The following RAD51B variants were observed in gnomAD, a reference collection of about 807,000 sequenced individuals.
RAD51B encodes DNA repair protein RAD51 homolog 2.
Under a neutral mutation model 42.2 loss-of-function variants are expected in RAD51B, and 38 were observed. The observed-to-expected ratio is 0.90, with a 90% confidence interval of 0.70 to 1.18. RAD51B has a LOEUF of 1.18. RAD51B is among the 50% of genes most tolerant of loss of function. The pLI is 0.00. For synonymous variants in RAD51B, 154 were observed against 145.2 expected (o/e 1.06, Z -0.43); for missense variants, 373 against 400.7 (o/e 0.93, Z 0.59).
intron 5 of RAD51B, among the ~76,000 whole-genome samples, chr14:67,868,596 G>A (rs1284749206): frequency 2.0e-5 from 3 of 152,232 alleles, no homozygotes; most frequent in Admixed American, 6.5e-5. Flanking sequence ...AGCTCAAGGA[G>A]GCCTGCCTGC....
At chr14:67,980,609 A>G (rs2075074416) in intron 7 of RAD51B, among the ~76,000 whole-genome samples, 1 of 152,232 alleles carries the variant, frequency 6.6e-6, no homozygotes, top group Non-Finnish European at 1.5e-5. Flanking sequence ...TGGGCAACTA[A>G]GTTTTCACAA....
At chr14:67,849,842 A>G (rs1363792542) in intron 4 of RAD51B, among the ~76,000 whole-genome samples, 1 of 151,956 alleles carries the variant, frequency 6.6e-6, no homozygotes, top group Non-Finnish European at 1.5e-5. Flanking sequence ...CTTCCAATCC[A>G]TGCTTTGAAT....
chr14:67,883,856 A>G (rs2042988989), intron 5 of RAD51B, among the ~76,000 whole-genome samples: 1 of 152,176 alleles, frequency 6.6e-6, no homozygotes, highest in African/African-American at 2.4e-5. Context: ...GGTCCTCAAT[A>G]AATATTTGTT....
chr14:68,164,957 G>T (rs2078719140), intron 7 of RAD51B, among the ~76,000 whole-genome samples: 1 of 152,140 alleles, frequency 6.6e-6, no homozygotes, highest in Admixed American at 6.5e-5. Context: ...CACTCCTTTA[G>T]TTTTCCTTTC....
rs1048373793 is a variant in RAD51B, at chr14:67,944,987, C to G, written c.756+57783C>G. Among the ~76,000 whole-genome samples, 10 of 152,294 alleles carry G rather than the reference C, an allele frequency of 6.6e-5. No individual in the cohort carries two copies. In the East Asian group the frequency reaches 1.9e-3, roughly 29 times the overall value. ...CTTTCACCAAAAAGAAAGTAAGAAT[C>G]ATACCTACCTTGAATATATTACTGT... On this transcript the variant is annotated intron_variant, in intron 7 of 10. Transcript: ENST00000471583.
intron 7 of RAD51B, among the ~76,000 whole-genome samples, chr14:68,004,524 A>G (rs1482497242): frequency 1.3e-5 from 2 of 152,116 alleles, no homozygotes; most frequent in African/African-American, 2.4e-5. Context: ...TCATGAAGAT[A>G]TGGTAAAACT....
chr14:68,083,985 G>A (rs2140496509), intron 7 of RAD51B, among the ~76,000 whole-genome samples: 1 of 152,280 alleles, frequency 6.6e-6, no homozygotes. Flanking sequence ...GTTTCCCAAA[G>A]CTGTAAGAAG....
At chr14:67,992,182 TG>T (rs1290152167) in intron 7 of RAD51B, among the ~76,000 whole-genome samples, 1 of 152,094 alleles carries the variant, frequency 6.6e-6, no homozygotes, top group Non-Finnish European at 1.5e-5. Flanking sequence ...CAGAAGAAAA[TG>T]GCTAAAGTTT....
chr14:68,389,850 G>T (rs891326943), intron 8 of RAD51B, among the ~76,000 whole-genome samples: 1 of 152,214 alleles, frequency 6.6e-6, no homozygotes, highest in African/African-American at 2.4e-5. Flanking sequence ...CTGATTGCTA[G>T]GGAAATCTGG....
At position 68,468,988 on chromosome 14, in the gene RAD51B, C is replaced by T. The variant is rs1034456466; in HGVS notation, c.1036+738C>T. 8.8e-5 allele frequency: 31 copies of T among 353,796 alleles called. No individual in the cohort carries two copies. In the Middle Eastern group the frequency reaches 1.2e-3, roughly 13 times the overall value. 21.9% of individuals were successfully genotyped at this position (353,796 alleles called of 1,614,324 possible). On this transcript the variant is annotated intron_variant, in intron 10 of 10. Coordinates refer to ENST00000471583, the MANE Select transcript of RAD51B (RefSeq NM_133510.4). Reference sequence around the variant, plus strand: ...TAACATGAAGGGGTAAATTCCAGCACTGTTAGAAGAGTCAGCCCACAATGT... The same window carrying T: ...TAACATGAAGGGGTAAATTCCAGCATTGTTAGAAGAGTCAGCCCACAATGT...
intron 10 of RAD51B, among the ~76,000 whole-genome samples, chr14:68,535,482 T>C (rs1887562502): frequency 6.7e-6 from 1 of 149,930 alleles, no homozygotes; most frequent in African/African-American, 2.4e-5. Flanking sequence ...TCTTTTCCAC[T>C]GACTTCTCTT....
chr14:68,086,551 C>G (rs1375571371), intron 7 of RAD51B, among the ~76,000 whole-genome samples: 2 of 152,114 alleles, frequency 1.3e-5, no homozygotes, highest in Admixed American at 6.5e-5. Context: ...CACTTCCCTG[C>G]CCCCTTTCTG....
At chr14:68,603,679 G>C (rs918643277) in intron 10 of RAD51B, among the ~76,000 whole-genome samples, 8 of 152,196 alleles carry the variant, frequency 5.3e-5, no homozygotes, top group African/African-American at 1.9e-4. Flanking sequence ...TTCTGTTGAA[G>C]TGTCAGGTAA....
chr14:68,054,570 T>C (rs796569321), intron 7 of RAD51B, among the ~76,000 whole-genome samples: 23 of 152,304 alleles, frequency 1.5e-4, no homozygotes, highest in African/African-American at 5.5e-4. Flanking sequence ...TTACCCTCAA[T>C]AAATTTACTT....
At chr14:68,143,935 C>T (rs1172822146) in intron 7 of RAD51B, among the ~76,000 whole-genome samples, 1 of 152,146 alleles carries the variant, frequency 6.6e-6, no homozygotes, top group Non-Finnish European at 1.5e-5. Flanking sequence ...TCCCTCCCTT[C>T]ATCTTCAGGG....
chr14:68,241,244 T>C (rs2080377159), intron 7 of RAD51B, among the ~76,000 whole-genome samples: 1 of 152,226 alleles, frequency 6.6e-6, no homozygotes. Flanking sequence ...ACCTGTTCTC[T>C]TTTTAAATTG....
At chr14:68,190,638 A>G (rs2079246385) in intron 7 of RAD51B, among the ~76,000 whole-genome samples, 1 of 152,164 alleles carries the variant, frequency 6.6e-6, no homozygotes. Context: ...GGCACTCTAT[A>G]TTCTATATGC....
chr14:68,506,311 G>A (rs533990517), intron 10 of RAD51B, among the ~76,000 whole-genome samples: 1 of 152,330 alleles, frequency 6.6e-6, no homozygotes, highest in African/African-American at 2.4e-5. Context: ...GGGAAGGAAT[G>A]CCTTTGTCTC....
rs143328820 is a variant in RAD51B at position 67,906,970 on chromosome 14, C to T, written c.756+19766C>T. Among the ~76,000 whole-genome samples the T allele has an allele frequency of 2.6e-5, 4 of 152,026 alleles. No individual in the cohort carries two copies. In the East Asian group the frequency reaches 5.8e-4, roughly 22 times the overall value. On this transcript the variant is annotated intron_variant, in intron 7 of 10. Transcript: ENST00000471583. ...GATTACAGGCATGTGCTACCATACC[C>T]GGCTAATTTTGTATTTTTAGTAAAG...
Sources: allele counts gnomAD v4.1 joint callset (sites outside exome capture counted in the v4.1 genomes callset), GRCh38; gene constraint gnomAD v4.1.1; transcripts MANE v1.5; gene names NCBI Gene and HGNC (gene_info 2026-07-23, HGNC 2026-07-21).